Variants in CNTN4 observed in about 807,000 individuals in gnomAD.
CNTN4 encodes contactin 4.
Under a neutral mutation model 122.5 loss-of-function variants are expected in CNTN4, and 77 were observed. The observed-to-expected ratio is 0.63, with a 90% confidence interval of 0.52 to 0.76. The LOEUF is 0.76. Among genes scored for constraint, CNTN4 ranks in the 30% least tolerant of loss-of-function variants. CNTN4 has a pLI of 0.00. For synonymous variants in CNTN4, 512 were observed against 447.0 expected, an observed-to-expected ratio of 1.15 and a Z score of -1.83; for missense variants, 1,256 against 1,259.1, an observed-to-expected ratio of 1.00 and a Z score of 0.04.
rs1295526868 is a variant in CNTN4 at position 2,503,314 on chromosome 3, AT to A, written c.-88-68100del. On this transcript the variant is annotated intron_variant, in intron 3 of 24. Coordinates refer to ENST00000418658, the MANE Select transcript of CNTN4 (RefSeq NM_175607.3). ...TATGACAAAGCAGGCATAGTAAGAT[AT>A]TAGTTGTAGAATCTAGAAAGGAGAT... Among the ~76,000 whole-genome samples the A allele has an allele frequency of 5.9e-5, 9 of 152,272 alleles. No individual in the cohort carries two copies. In the East Asian group the frequency reaches 1.7e-3, roughly 29 times the overall value.
chr3:2,355,352 A>G (rs2044823759), intron 3 of CNTN4, among the ~76,000 whole-genome samples: 1 of 152,234 alleles, frequency 6.6e-6, no homozygotes, highest in Middle Eastern at 3.2e-3. Flanking sequence ...CATAAATATA[A>G]TGTCATTGCA....
intron 6 of CNTN4, among the ~76,000 whole-genome samples, chr3:2,818,552 G>A (rs544838032): frequency 6.6e-6 from 1 of 152,132 alleles, no homozygotes; most frequent in Non-Finnish European, 1.5e-5. Context: ...AAATGTAATA[G>A]ACAACAAAAA....
chr3:2,901,889 T>A (rs1390833459), intron 11 of CNTN4, among the ~76,000 whole-genome samples: 1 of 152,174 alleles, frequency 6.6e-6, no homozygotes, highest in Non-Finnish European at 1.5e-5. Context: ...ACTGTCTGGA[T>A]GCCATGATCT....
intron 2 of CNTN4, among the ~76,000 whole-genome samples, chr3:2,320,164 G>A (rs2043232565): frequency 6.6e-6 from 1 of 152,092 alleles, no homozygotes; most frequent in Non-Finnish European, 1.5e-5. Context: ...CATCTTTGTT[G>A]TTTGAGCTCT....
chr3:2,534,582 G>C (rs1038863739), intron 3 of CNTN4, among the ~76,000 whole-genome samples: 4 of 151,940 alleles, frequency 2.6e-5, no homozygotes, highest in African/African-American at 9.7e-5. Context: ...GCCATGTACT[G>C]TTGGTGTGAA....
At chr3:2,164,264 G>A (rs1216957984) in intron 2 of CNTN4, among the ~76,000 whole-genome samples, 1 of 152,114 alleles carries the variant, frequency 6.6e-6, no homozygotes, top group African/African-American at 2.4e-5. Flanking sequence ...ATACCCTTTA[G>A]TAGAGATAGT....
chr3:2,198,611 CA>C (rs2037954083), intron 2 of CNTN4, among the ~76,000 whole-genome samples: 1 of 152,084 alleles, frequency 6.6e-6, no homozygotes, highest in African/African-American at 2.4e-5. Context: ...AGCATAAAAT[CA>C]GTCAAGAAGA....
intron 2 of CNTN4, among the ~76,000 whole-genome samples, chr3:2,193,401 TA>T (rs1479185325): frequency 6.6e-6 from 1 of 151,980 alleles, no homozygotes; most frequent in Non-Finnish European, 1.5e-5. Flanking sequence ...GAAGGGACTA[TA>T]AAAATGGCTC....
intron 3 of CNTN4, among the ~76,000 whole-genome samples, chr3:2,342,542 C>A (rs374816846): frequency 6.6e-6 from 1 of 152,120 alleles, no homozygotes. Flanking sequence ...CCCCACCTGT[C>A]GTGGGAGGGA....
chr3:2,123,793 T>A (rs2033951920), intron 2 of CNTN4, among the ~76,000 whole-genome samples: 1 of 152,200 alleles, frequency 6.6e-6, no homozygotes, highest in South Asian at 2.1e-4. Flanking sequence ...ACTTAACTGA[T>A]CAAAACTATG....
chr3:2,241,193 G>A (rs918737723), intron 2 of CNTN4, among the ~76,000 whole-genome samples: 13 of 151,990 alleles, frequency 8.6e-5, no homozygotes, highest in African/African-American at 3.1e-4. Flanking sequence ...TGTAAATAGA[G>A]CACTTAGGTC....
At chr3:2,682,899 T>C (rs1223215715) in intron 4 of CNTN4, among the ~76,000 whole-genome samples, 1 of 151,394 alleles carries the variant, frequency 6.6e-6, no homozygotes, top group Non-Finnish European at 1.5e-5. Context: ...GCCCTTATCC[T>C]TCACGGAGTA....
intron 3 of CNTN4, among the ~76,000 whole-genome samples, chr3:2,376,593 G>A (rs112238254): frequency 4.0e-4 from 59 of 146,706 alleles, no homozygotes; most frequent in Middle Eastern, 3.9e-3. Flanking sequence ...AGTTGTCACT[G>A]TTTTTAGGTC....
intron 6 of CNTN4, among the ~76,000 whole-genome samples, chr3:2,771,749 A>C (rs891306721): frequency 1.3e-5 from 2 of 152,226 alleles, no homozygotes; most frequent in Admixed American, 1.3e-4. Flanking sequence ...AAAGACATAC[A>C]GTATTAATTC....
At chr3:2,216,256 G>A (rs1291999866) in intron 2 of CNTN4, among the ~76,000 whole-genome samples, 2 of 152,164 alleles carry the variant, frequency 1.3e-5, no homozygotes, top group Admixed American at 6.5e-5. Flanking sequence ...GGAGCTGGAG[G>A]CTATTATCAT....
At chr3:2,488,114 CA>C (rs1314525059) in intron 3 of CNTN4, among the ~76,000 whole-genome samples, 1 of 152,122 alleles carries the variant, frequency 6.6e-6, no homozygotes, top group Non-Finnish European at 1.5e-5. Flanking sequence ...GGGCATTAGC[CA>C]GAATGCACAT....
chr3:2,265,360 A>G (rs1303675503), intron 2 of CNTN4, among the ~76,000 whole-genome samples: 1 of 152,106 alleles, frequency 6.6e-6, no homozygotes, highest in African/African-American at 2.4e-5. Flanking sequence ...TCTAAAAATG[A>G]GTTGGCTGTA....
chr3:2,774,437 C>T (rs542225030), intron 6 of CNTN4, among the ~76,000 whole-genome samples: 6 of 152,264 alleles, frequency 3.9e-5, no homozygotes, highest in African/African-American at 1.2e-4. Flanking sequence ...ATCTCCTCTA[C>T]TTTCAAAGTA....
At chr3:2,818,387 A>T (rs2092788324) in intron 6 of CNTN4, among the ~76,000 whole-genome samples, 1 of 152,188 alleles carries the variant, frequency 6.6e-6, no homozygotes, top group Non-Finnish European at 1.5e-5. Context: ...GGAGTACATG[A>T]GATAATCATC....
Sources: gnomAD v4.1 joint callset for allele counts (sites outside exome capture counted in the v4.1 genomes callset) on GRCh38, gnomAD v4.1.1 for gene constraint, MANE v1.5 for transcripts, NCBI Gene and HGNC (gene_info 2026-07-23, HGNC 2026-07-21) for gene names.